Variants in IPO11 observed in about 807,000 individuals in gnomAD.
IPO11 encodes the protein importin 11.
A neutral mutation model predicts 143.2 loss-of-function variants in IPO11; 66 were observed. That is an observed-to-expected ratio of 0.46 (90% CI 0.38 to 0.57). IPO11 has a LOEUF of 0.57. IPO11 is among the 20% of genes least tolerant of loss of function. The pLI, the probability that IPO11 is intolerant of heterozygous loss-of-function variation, is 0.00. For missense variants in IPO11, 1,026 were observed against 1,141.0 expected (o/e 0.90, Z 1.45); for synonymous variants, 385 against 377.8 (o/e 1.02, Z -0.22).
intron 24 of IPO11, among the ~76,000 whole-genome samples, chr5:62,549,622 G>C (rs1463055995): frequency 2.0e-5 from 3 of 152,126 alleles, no homozygotes; most frequent in African/African-American, 7.2e-5. Context: ...AAGCACTTAG[G>C]CTGGAAGTGT....
At chr5:62,579,589 C>T in intron 27 of IPO11, 1 of 1,551,086 alleles carries the variant, frequency 6.4e-7, no homozygotes, top group Non-Finnish European at 8.7e-7. Flanking sequence ...TAACTTAGGC[C>T]TTTCGAGTAT....
chr5:62,604,313 G>A (rs1449976459), intron 29 of IPO11, among the ~76,000 whole-genome samples: 1 of 152,068 alleles, frequency 6.6e-6, no homozygotes, highest in Non-Finnish European at 1.5e-5. Flanking sequence ...GGTTCAAGCA[G>A]TAACCATACC....
chr5:62,482,327 A>T (rs1045938083), intron 9 of IPO11, among the ~76,000 whole-genome samples: 1 of 152,102 alleles, frequency 6.6e-6, no homozygotes, highest in African/African-American at 2.4e-5. Context: ...GCCTTCTGCT[A>T]GCTTTGGAAT....
chr5:62,608,470 A>G (rs1745809276), intron 29 of IPO11, among the ~76,000 whole-genome samples: 3 of 152,222 alleles, frequency 2.0e-5, no homozygotes, highest in African/African-American at 7.2e-5. Context: ...CTCTTTTAAG[A>G]AAGACCTCTG....
At chr5:62,483,947 A>T in intron 10 of IPO11, 63 bp from the exon 11 acceptor site, 1 of 1,353,316 alleles carries the variant, frequency 7.4e-7, no homozygotes, top group Non-Finnish European at 1.0e-6. Context: ...TATTTAAGTT[A>T]CATAATCCAA....
intron 29 of IPO11, among the ~76,000 whole-genome samples, chr5:62,608,802 T>C (rs141009870): frequency 6.6e-6 from 1 of 152,346 alleles, no homozygotes; most frequent in East Asian, 1.9e-4. Context: ...TAGGGTTCAC[T>C]CTGGTATTGT....
chr5:62,493,238 A>C (rs915193983), intron 15 of IPO11, among the ~76,000 whole-genome samples: 1 of 152,170 alleles, frequency 6.6e-6, no homozygotes, highest in Non-Finnish European at 1.5e-5. Flanking sequence ...TAAGCCTAGA[A>C]GTTTCTTACA....
At chr5:62,463,539 T>C (rs894262010) in intron 5 of IPO11, among the ~76,000 whole-genome samples, 19 of 151,634 alleles carry the variant, frequency 1.3e-4, no homozygotes, top group Non-Finnish European at 2.5e-4. Context: ...CCTGGTGTGG[T>C]GCATCCCTGT....
chr5:62,604,166 C>T (rs535839051), intron 29 of IPO11, among the ~76,000 whole-genome samples: 6 of 152,252 alleles, frequency 3.9e-5, no homozygotes, highest in South Asian at 4.1e-4. Flanking sequence ...CTATATATCT[C>T]GAGAAGTATT....
intron 5 of IPO11, among the ~76,000 whole-genome samples, chr5:62,457,753 A>AT (rs1745214134): frequency 6.6e-6 from 1 of 152,192 alleles, no homozygotes; most frequent in African/African-American, 2.4e-5. Context: ...AAATTTCCAA[A>AT]TAATTGAAAT....
chr5:62,427,708 A>G (rs1294931670), intron 1 of IPO11, among the ~76,000 whole-genome samples: 1 of 152,192 alleles, frequency 6.6e-6, no homozygotes, highest in East Asian at 1.9e-4. Flanking sequence ...CTGTGGTGGA[A>G]CAGTTTCATC....
At chr5:62,589,709 T>C (rs1744941401) in intron 27 of IPO11, among the ~76,000 whole-genome samples, 1 of 152,042 alleles carries the variant, frequency 6.6e-6, no homozygotes. Flanking sequence ...AAGGGCCCCC[T>C]AGAGGAGAAG....
At chr5:62,420,021 TGGC>T (rs1743445937) in intron 1 of IPO11, among the ~76,000 whole-genome samples, 1 of 152,056 alleles carries the variant, frequency 6.6e-6, no homozygotes, top group Non-Finnish European at 1.5e-5. Flanking sequence ...CTGGGCGTGG[TGGC>T]TCACGCCTGT....
chr5:62,436,675 A>G (rs1744253861), intron 1 of IPO11, among the ~76,000 whole-genome samples: 1 of 152,072 alleles, frequency 6.6e-6, no homozygotes, highest in Non-Finnish European at 1.5e-5. Context: ...TAGGTTTTAG[A>G]TTTTTGTTTA....
chr5:62,598,921 T>C (rs1408410261), intron 28 of IPO11, among the ~76,000 whole-genome samples: 2 of 152,190 alleles, frequency 1.3e-5, no homozygotes, highest in Non-Finnish European at 1.5e-5. Flanking sequence ...AAACAATTTA[T>C]TGGAGGCCAG....
intron 6 of IPO11, 134 bp downstream of exon 6, chr5:62,467,397 G>A: frequency 4.4e-6 from 4 of 914,066 alleles, no homozygotes; most frequent in Non-Finnish European, 6.4e-6. Flanking sequence ...TGAAAGATAA[G>A]GGCTTATTTA....
rs201906330 is a variant in IPO11 at position 62,598,395 on chromosome 5, T to C, written c.2679-3369T>C. On this transcript the variant is annotated intron_variant, in intron 28 of 29. Coordinates refer to ENST00000325324, the MANE Select transcript of IPO11 (RefSeq NM_016338.5). ...AAATTGTTTGCTTGCTTGCTTGCTT[T>C]CTTTCTTTCTTTCTTTCTTTCTTTC... Among the ~76,000 whole-genome samples the C allele has an allele frequency of 1.1e-3, 12 of 10,864 alleles. 1 individual carries two copies. The highest frequency in any genetic ancestry group is 1.3e-3 in the Admixed American group (1 of 798). 7.1% of individuals were successfully genotyped at this position (10,864 alleles called of 152,430 possible).
chr5:62,435,220 A>ATG (rs1744176315), intron 1 of IPO11, among the ~76,000 whole-genome samples: 3 of 125,202 alleles, frequency 2.4e-5, no homozygotes, highest in African/African-American at 6.0e-5. Context: ...GTGTATATAT[A>ATG]TATATATCAG....
intron 1 of IPO11, among the ~76,000 whole-genome samples, chr5:62,415,090 G>C (rs78930773): frequency 2.3e-4 from 35 of 152,228 alleles, no homozygotes; most frequent in African/African-American, 7.9e-4. Context: ...ATTGGGTACT[G>C]TACAGGCAGC....
Sources: allele counts gnomAD v4.1 joint callset (sites outside exome capture counted in the v4.1 genomes callset), GRCh38; gene constraint gnomAD v4.1.1; transcripts MANE v1.5; gene names NCBI Gene and HGNC (gene_info 2026-07-23, HGNC 2026-07-21).